Variants in PPIP5K2 observed in about 807,000 individuals in gnomAD.
PPIP5K2 encodes inositol hexakisphosphate and diphosphoinositol-pentakisphosphate kinase 2.
In PPIP5K2, 105 loss-of-function variants were observed where a neutral mutation model predicts 154.6. That is an observed-to-expected ratio of 0.68 (90% CI 0.58 to 0.80). The LOEUF (loss-of-function observed/expected upper bound fraction) is 0.80, where lower values mean the gene tolerates loss of function less well. Among genes scored for constraint, PPIP5K2 ranks in the 30% least tolerant of loss-of-function variants. PPIP5K2 has a pLI of 0.00. For missense variants in PPIP5K2, 992 were observed against 1,504.6 expected, an observed-to-expected ratio of 0.66 and a Z score of 5.64; for synonymous variants, 480 against 490.3, an observed-to-expected ratio of 0.98 and a Z score of 0.28.
intron 19 of PPIP5K2, 49 bp from the exon 20 acceptor site, chr5:103,173,106 G>T: frequency 6.9e-7 from 1 of 1,457,572 alleles, no homozygotes; most frequent in South Asian, 1.3e-5. Context: ...TTTTTTTAGA[G>T]TACTTTGTCA....
chr5:103,196,872 G>C (rs560692846), intron 30 of PPIP5K2, among the ~76,000 whole-genome samples: 1 of 152,160 alleles, frequency 6.6e-6, no homozygotes, highest in East Asian at 1.9e-4. Flanking sequence ...GAACAGAGTA[G>C]CATGTCACTG....
At chr5:103,126,749 T>TTG (rs1338951882) in intron 1 of PPIP5K2, among the ~76,000 whole-genome samples, 31 of 151,340 alleles carry the variant, frequency 2.0e-4, no homozygotes, top group Admixed American at 2.0e-3. Context: ...TTTCACGTTT[T>TTG]TTTTTTTTTT....
intron 10 of PPIP5K2, among the ~76,000 whole-genome samples, chr5:103,153,627 T>C (rs1554212006): frequency 2.0e-5 from 3 of 152,040 alleles, no homozygotes; most frequent in Non-Finnish European, 4.4e-5. Context: ...TATTCTACTA[T>C]ATAGCTTAAT....
At chr5:103,155,027 T>C in intron 13 of PPIP5K2, 84 bp downstream of exon 13, 1 of 761,014 alleles carries the variant, frequency 1.3e-6, no homozygotes, top group Non-Finnish European at 1.9e-6. Context: ...TTTAATTACT[T>C]TCACAGTCTG....
intron 16 of PPIP5K2, 77 bp downstream of exon 16, chr5:103,158,650 A>C (rs782607706): frequency 1.6e-5 from 20 of 1,240,888 alleles, no homozygotes; most frequent in Non-Finnish European, 2.1e-5. Context: ...GGCTGGGCGC[A>C]GTGGCTTACA....
chr5:103,165,911 T>C (rs1156712488), intron 17 of PPIP5K2, among the ~76,000 whole-genome samples: 8 of 152,234 alleles, frequency 5.3e-5, no homozygotes, highest in African/African-American at 1.9e-4. Context: ...AAAATTAAAG[T>C]TGAGCAAACT....
Position 103,155,953 on chromosome 5 carries a change from A to C in PPIP5K2, c.1448A>C (p.Tyr483Ser). Residue 483 changes from tyrosine (Y) to serine (S), a missense_variant, in exon 14 of 31, where the codon TAT becomes TCT. Tyr to Ser is a moderately radical substitution (Grantham distance 144, BLOSUM62 -2). This residue lies in a region of PPIP5K2 where 163 missense variants were observed against 285.2 expected (regional missense o/e 0.57). Coordinates refer to ENST00000358359, the MANE Select transcript of PPIP5K2 (RefSeq NM_001276277.3). ...ATAAATCGTAAGGTTCAGTTGACCTATCTCCCTCATGGTTGTCCTAAAACA... is the reference window on the plus strand; with the variant it reads ...ATAAATCGTAAGGTTCAGTTGACCTCTCTCCCTCATGGTTGTCCTAAAACA... ...SGINRKVQLT[Y>S]LPHGCPKTSS... 6.2e-7 allele frequency: 1 copy of C among 1,604,658 alleles called. No homozygotes were observed. Among genetic ancestry groups the C allele is most frequent in the Non-Finnish European group, 8.5e-7 (1 of 1,171,616 alleles).
intron 23 of PPIP5K2, 114 bp downstream of exon 23, chr5:103,178,094 A>G: frequency 1.4e-6 from 1 of 735,144 alleles, no homozygotes; most frequent in South Asian, 1.9e-5. Flanking sequence ...ACTTCTAAGC[A>G]GGAAAATGGT....
chr5:103,125,076 A>C (rs1554200252), intron 1 of PPIP5K2, among the ~76,000 whole-genome samples: 1 of 152,186 alleles, frequency 6.6e-6, no homozygotes, highest in East Asian at 1.9e-4. Context: ...CAGAAGACAA[A>C]AATTCTGCTT....
intron 5 of PPIP5K2, among the ~76,000 whole-genome samples, chr5:103,144,821 A>G (rs888275649): frequency 2.4e-4 from 36 of 152,142 alleles, no homozygotes; most frequent in African/African-American, 7.7e-4. Context: ...AAAAGAAAAC[A>G]TTGTAGAAAC....
At chr5:103,172,927 C>T (rs537832312) in intron 19 of PPIP5K2, among the ~76,000 whole-genome samples, 166 of 151,930 alleles carry the variant, frequency 1.1e-3, no homozygotes, top group Non-Finnish European at 1.9e-3. Flanking sequence ...TCTCCGCCTT[C>T]AGAAATTACT....
Position 103,133,540 on chromosome 5 carries a change from T to G in PPIP5K2, c.202T>G (p.Ser68Ala). 6.2e-7 allele frequency: 1 copy of G among 1,612,946 alleles called. No individual in the cohort carries two copies. The highest frequency in any genetic ancestry group is 8.5e-7 in the Non-Finnish European group (1 of 1,179,622). Reference protein sequence around the residue: ...KPMKEILERISLFKYITVVVF... With the variant: ...KPMKEILERIALFKYITVVVF... ...AATGAAGGAAATTCTTGAACGGATC[T>G]CCTTATTTAAATATATCACAGTAGT... The change falls in exon 3 of 31, where the codon TCC (serine) becomes GCC (alanine). Residue 68 changes from serine (S) to alanine (A), a missense_variant. This residue lies in a region of PPIP5K2 where 153 missense variants were observed against 200.4 expected (regional missense o/e 0.76). Coordinates refer to ENST00000358359, the MANE Select transcript of PPIP5K2 (RefSeq NM_001276277.3).
At chr5:103,172,388 T>C in intron 19 of PPIP5K2, among the ~76,000 whole-genome samples, 1 of 150,984 alleles carries the variant, frequency 6.6e-6, no homozygotes, top group Non-Finnish European at 1.5e-5. Flanking sequence ...TTTCTGGAGG[T>C]ATCTAGTAGC....
chr5:103,143,664 G>A (rs1389659196), intron 5 of PPIP5K2, among the ~76,000 whole-genome samples: 1 of 152,130 alleles, frequency 6.6e-6, no homozygotes, highest in African/African-American at 2.4e-5. Flanking sequence ...TAAAAAATAA[G>A]ATCCAACTCT....
chr5:103,186,082 C>T (rs548854847), intron 26 of PPIP5K2, among the ~76,000 whole-genome samples: 129 of 151,858 alleles, frequency 8.5e-4, no homozygotes, highest in Non-Finnish European at 1.1e-3. Context: ...TCAAAGATAA[C>T]ATTTTGTCCA....
rs371254299 is a variant in PPIP5K2, at chr5:103,146,528, A to C, written c.489A>C (p.Glu163Asp). ...ILNRDPNNPK[E>D]CNLIEGEDHV... Reference sequence around the variant, plus strand: ...CTTGCAATCGTGTTTGTTTTATAGAATGTAATCTGATTGAAGGGGAAGATC... The same window carrying C: ...CTTGCAATCGTGTTTGTTTTATAGACTGTAATCTGATTGAAGGGGAAGATC... Residue 163 changes from glutamate to aspartate, a missense_variant and splice_region_variant, in exon 6 of 31, where the codon GAA (glutamate) becomes GAC (aspartate). Glu to Asp is a conservative substitution (Grantham distance 45). Around this residue, in one of 9 missense-constraint regions of PPIP5K2, gnomAD observed 153 missense variants for 200.4 expected, o/e 0.76. Coordinates refer to ENST00000358359, the MANE Select transcript of PPIP5K2 (RefSeq NM_001276277.3). The C allele has an allele frequency of 3.1e-6, 5 of 1,609,856 alleles. No homozygotes were observed. The highest frequency in any genetic ancestry group is 1.3e-5 in the African/African-American group (1 of 74,800).
chr5:103,207,645 T>C lies in PPIP5K2; in HGVS notation c.*6011T>C, dbSNP rs986457565. ...TGAACAATATCCAATTAGTGTATTT[T>C]TTCCTCTACTGCACAGTTTTGGTTG... On this transcript the variant is annotated 3_prime_UTR_variant, in exon 31 of 31. Transcript: ENST00000358359. 1 of 152,152 alleles carries C rather than the reference T, an allele frequency of 6.6e-6. No individual in the cohort carries two copies. The highest frequency in any genetic ancestry group is 1.9e-4 in the East Asian group (1 of 5,200). The allele number at this position is 152,152 out of a possible 1,614,324, so 9.4% of individuals were successfully genotyped here.
At chr5:103,137,896 C>T (rs548395880) in intron 4 of PPIP5K2, among the ~76,000 whole-genome samples, 50 of 146,542 alleles carry the variant, frequency 3.4e-4, no homozygotes, top group African/African-American at 1.0e-3. Context: ...AAAAGCGTAC[C>T]GAAAGCCATT....
intron 26 of PPIP5K2, among the ~76,000 whole-genome samples, 159 bp from the exon 27 acceptor site, chr5:103,186,161 A>G (rs1224980755): frequency 6.6e-6 from 1 of 152,132 alleles, no homozygotes; most frequent in Non-Finnish European, 1.5e-5. Context: ...ATTAAAACTG[A>G]CCTCATTAGG....
Sources: gnomAD v4.1 joint callset for allele counts (sites outside exome capture counted in the v4.1 genomes callset) on GRCh38, gnomAD v4.1.1 for gene constraint, gnomAD v4.1.1 regional missense constraint, MANE v1.5 for transcripts, NCBI Gene and HGNC (gene_info 2026-07-23, HGNC 2026-07-21) for gene names.